The following KCND2 variants were observed in gnomAD, a reference collection of about 807,000 sequenced individuals.
KCND2 encodes the protein potassium voltage-gated channel subfamily D member 2, also known as A-type voltage-gated potassium channel KCND2.
KCND2 carries 16 observed loss-of-function variants against 54.4 expected under a neutral mutation model. The ratio of observed to expected loss-of-function variants is 0.29; its 90% CI spans 0.20 to 0.45. KCND2 has a LOEUF of 0.45. KCND2 is among the 20% of genes least tolerant of loss of function. KCND2 has a pLI of 1.00. For synonymous variants in KCND2, 317 were observed against 310.7 expected, an observed-to-expected ratio of 1.02 and a Z score of -0.21; for missense variants, 486 against 824.2, an observed-to-expected ratio of 0.59 and a Z score of 5.02.
chr7:120,577,876 C>T (rs1427372778), intron 1 of KCND2, among the ~76,000 whole-genome samples: 1 of 152,146 alleles, frequency 6.6e-6, no homozygotes, highest in Non-Finnish European at 1.5e-5. Flanking sequence ...TGAGCCACTG[C>T]GCCAGCCAAA....
chr7:120,501,029 A>G (rs897665342), intron 1 of KCND2, among the ~76,000 whole-genome samples: 2 of 151,952 alleles, frequency 1.3e-5, no homozygotes, highest in Admixed American at 6.6e-5. Flanking sequence ...GCTTCATAAG[A>G]ACTCATCAAA....
intron 1 of KCND2, chr7:120,672,737 C>T (rs1369646677): frequency 6.6e-6 from 1 of 151,940 alleles, no homozygotes; most frequent in East Asian, 1.9e-4. Flanking sequence ...AACCCTAGCC[C>T]CCAGTATTTT....
intron 1 of KCND2, among the ~76,000 whole-genome samples, chr7:120,493,560 C>T (rs1358693243): frequency 6.6e-6 from 1 of 151,990 alleles, no homozygotes; most frequent in African/African-American, 2.4e-5. Flanking sequence ...TGACAAAGGA[C>T]ATAAATAGGC....
intron 1 of KCND2, among the ~76,000 whole-genome samples, chr7:120,600,277 T>A (rs1792797992): frequency 1.3e-5 from 2 of 151,966 alleles, no homozygotes; most frequent in Non-Finnish European, 2.9e-5. Flanking sequence ...ACCAAAAAGC[T>A]TTTTTAGTCT....
rs10574734 is a variant in KCND2, at chr7:120,432,501, GCACA to G, written c.1115+156774_1115+156777del. ...TGTGTTTGCATGTATGTGAATACAC[GCACA>G]CACACACACACACACACACCCCTCA... On this transcript the variant is annotated intron_variant, in intron 1 of 5. Transcript: ENST00000331113. 3.1e-4 allele frequency among the ~76,000 whole-genome samples: 43 copies of G among 137,662 alleles called. No homozygotes were observed. In the South Asian group the frequency reaches 4.1e-3, roughly 13 times the overall value. 90.3% of individuals were successfully genotyped at this position (137,662 alleles called of 152,430 possible). A position where few individuals can be genotyped will look rare whatever the true frequency, so the allele number is the denominator to read the frequency against.
intron 1 of KCND2, among the ~76,000 whole-genome samples, chr7:120,319,990 A>T (rs559725044): frequency 6.6e-6 from 1 of 152,216 alleles, no homozygotes; most frequent in African/African-American, 2.4e-5. Flanking sequence ...GAAAATGCAA[A>T]AGTGCAAGAT....
chr7:120,399,136 T>C (rs1234381174), intron 1 of KCND2, among the ~76,000 whole-genome samples: 1 of 152,018 alleles, frequency 6.6e-6, no homozygotes, highest in African/African-American at 2.4e-5. Context: ...CATCTTGTAT[T>C]CCCTTTAGTG....
intron 1 of KCND2, among the ~76,000 whole-genome samples, chr7:120,358,636 T>G (rs535468937): frequency 2.6e-5 from 4 of 152,264 alleles, no homozygotes; most frequent in Admixed American, 2.6e-4. Context: ...CTGATGCACT[T>G]GCTCATCAAT....
intron 1 of KCND2, among the ~76,000 whole-genome samples, chr7:120,438,581 G>A (rs1477165651): frequency 6.6e-6 from 1 of 152,136 alleles, no homozygotes; most frequent in African/African-American, 2.4e-5. Context: ...AATTTGATAG[G>A]CACTAATACT....
chr7:120,281,442 AC>A (rs1314242395), intron 1 of KCND2, among the ~76,000 whole-genome samples: 6 of 127,380 alleles, frequency 4.7e-5, no homozygotes, highest in East Asian at 4.7e-4. Context: ...AAAAAAAAAA[AC>A]CCCAGGGTGA....
intron 1 of KCND2, among the ~76,000 whole-genome samples, chr7:120,592,648 G>A (rs560086238): frequency 1.3e-5 from 2 of 152,256 alleles, no homozygotes; most frequent in South Asian, 2.1e-4. Flanking sequence ...AAGCACATTC[G>A]TCTTTCTTCA....
chr7:120,711,133 AT>A (rs1190812503), intron 1 of KCND2, among the ~76,000 whole-genome samples: 2 of 152,070 alleles, frequency 1.3e-5, no homozygotes, highest in Non-Finnish European at 2.9e-5. Context: ...TTTTATATAC[AT>A]TTGTTACATA....
chr7:120,346,357 T>C (rs1800315873), intron 1 of KCND2, among the ~76,000 whole-genome samples: 1 of 152,166 alleles, frequency 6.6e-6, no homozygotes, highest in Non-Finnish European at 1.5e-5. Context: ...TCCATTACAG[T>C]ATTTGAGATT....
At position 120,673,814 on chromosome 7, in the gene KCND2, C is replaced by T. The variant is rs1469080988; in HGVS notation, c.1116-59089C>T. Among the ~76,000 whole-genome samples, 5 of 152,168 alleles carry T rather than the reference C, an allele frequency of 3.3e-5. No homozygotes were observed. In the East Asian group the frequency reaches 9.6e-4, roughly 29 times the overall value. ...CATCTGCCTTTCCAAATCTATAGTC[C>T]AGGCATCCTGAATCACGTGGAGTTT... is the stretch of plus-strand genomic sequence containing the variant. On this transcript the variant is annotated intron_variant, in intron 1 of 5. Coordinates refer to ENST00000331113, the MANE Select transcript of KCND2 (RefSeq NM_012281.3).
At chr7:120,567,925 T>A (rs1352083591) in intron 1 of KCND2, among the ~76,000 whole-genome samples, 1 of 152,140 alleles carries the variant, frequency 6.6e-6, no homozygotes, top group Admixed American at 6.5e-5. Flanking sequence ...TCTATTTAGA[T>A]ATACTTTGCA....
intron 1 of KCND2, among the ~76,000 whole-genome samples, chr7:120,646,440 A>G (rs566316954): frequency 6.6e-6 from 1 of 152,220 alleles, no homozygotes; most frequent in South Asian, 2.1e-4. Flanking sequence ...ATTGATTATC[A>G]TTTATTTAAA....
Position 120,423,943 on chromosome 7 carries a change from C to T in KCND2, c.1115+148196C>T, listed in dbSNP as rs549757951. On this transcript the variant is annotated intron_variant, in intron 1 of 5. Transcript: ENST00000331113. ...AGAGATCCTCACAACCTTTGTATGA[C>T]AAATGTGCTTTGTTTCTCATTAGGT... Among the ~76,000 whole-genome samples, 44 of 152,284 alleles carry T rather than the reference C, an allele frequency of 2.9e-4. No homozygotes were observed. In the South Asian group the frequency reaches 8.1e-3, roughly 28 times the overall value.
intron 1 of KCND2, among the ~76,000 whole-genome samples, chr7:120,535,770 C>T (rs1791898932): frequency 6.6e-6 from 1 of 152,102 alleles, no homozygotes; most frequent in Non-Finnish European, 1.5e-5. Context: ...TGTTATTTGT[C>T]ACTGAGGATA....
intron 1 of KCND2, among the ~76,000 whole-genome samples, chr7:120,590,845 A>T (rs1293977130): frequency 6.6e-6 from 1 of 152,118 alleles, no homozygotes; most frequent in African/African-American, 2.4e-5. Context: ...CATTATGTAG[A>T]TCCTTGTCTA....
Sources: gnomAD v4.1 joint callset for allele counts (sites outside exome capture counted in the v4.1 genomes callset) on GRCh38, gnomAD v4.1.1 for gene constraint, MANE v1.5 for transcripts, NCBI Gene and HGNC (gene_info 2026-07-23, HGNC 2026-07-21) for gene names.